Variants in SPTSSA observed in about 807,000 individuals in gnomAD.
The protein encoded by SPTSSA is small subunit of serine palmitoyltransferase A.
SPTSSA carries 8 observed loss-of-function variants against 9.1 expected under a neutral mutation model. The ratio of observed to expected loss-of-function variants is 0.88; its 90% confidence interval spans 0.51 to 1.58. SPTSSA has a LOEUF of 1.58. Ranked by LOEUF, SPTSSA falls within the 40% of genes most tolerant of loss-of-function variation. The probability of loss-of-function intolerance (pLI) is 0.00; values close to 1 mark genes in which losing one functional copy is unlikely to be tolerated. For synonymous variants in SPTSSA, 42 were observed against 37.7 expected (o/e 1.11, Z -0.41); for missense variants, 100 against 93.8 (o/e 1.07, Z -0.27).
At chr14:34,447,288 C>A (rs1883438357) in intron 1 of SPTSSA, among the ~76,000 whole-genome samples, 2 of 146,536 alleles carry the variant, frequency 1.4e-5, no homozygotes, top group South Asian at 4.4e-4. Flanking sequence ...TCATCCAGAT[C>A]ATTCTTTAAT....
intron 1 of SPTSSA, among the ~76,000 whole-genome samples, chr14:34,450,542 T>C (rs934358701): frequency 6.6e-6 from 1 of 152,230 alleles, no homozygotes; most frequent in African/African-American, 2.4e-5. Flanking sequence ...TAAGTGCCAG[T>C]AGCTGTATAC....
At chr14:34,459,248 C>G (rs1878560423) in intron 1 of SPTSSA, among the ~76,000 whole-genome samples, 1 of 151,418 alleles carries the variant, frequency 6.6e-6, no homozygotes, top group East Asian at 2.0e-4. Context: ...GACTGGCCAA[C>G]ATGGTAAAAC....
rs1883195019 is a variant in SPTSSA at position 34,433,766 on chromosome 14, A to T, written c.*1435T>A. ...ATCAGGAGGTCAGGAGTTTGAGACCATCCTGGCCAACACAGTGAAACCCCG... is the reference window on the plus strand; with the variant it reads ...ATCAGGAGGTCAGGAGTTTGAGACCTTCCTGGCCAACACAGTGAAACCCCG... On this transcript the variant is annotated 3_prime_UTR_variant, in exon 2 of 2. Transcript: ENST00000298130. 6.6e-6 allele frequency: 1 copy of T among 152,100 alleles called. No homozygotes were observed. Among genetic ancestry groups the T allele is most frequent in the African/African-American group, 2.4e-5 (1 of 41,420 alleles). 9.4% of individuals were successfully genotyped at this position (152,100 alleles called of 1,614,324 possible).
chr14:34,458,967 T>C (rs566274684), intron 1 of SPTSSA, among the ~76,000 whole-genome samples: 24 of 136,666 alleles, frequency 1.8e-4, no homozygotes, highest in African/African-American at 5.8e-4. Flanking sequence ...TGCAGTGGCG[T>C]GATCTCGGCT....
intron 1 of SPTSSA, among the ~76,000 whole-genome samples, chr14:34,460,338 G>A (rs1205371637): frequency 6.6e-6 from 1 of 151,982 alleles, no homozygotes; most frequent in Admixed American, 6.6e-5. Context: ...GTTGGTTGCA[G>A]TTCTCACCTA....
At chr14:34,436,607 CT>C (rs1235346978) in intron 1 of SPTSSA, among the ~76,000 whole-genome samples, 1 of 152,164 alleles carries the variant, frequency 6.6e-6, no homozygotes, top group African/African-American at 2.4e-5. Flanking sequence ...TTACTATCAA[CT>C]AATATTTGTA....
At position 34,443,171 on chromosome 14, in the gene SPTSSA, G is replaced by GTGTGTGTGTGTGTGTGTT. The variant is rs775781106; in HGVS notation, c.113-7868_113-7867insAACACACACACACACACA. The stretch of plus-strand genomic sequence containing the variant: ...TGTGTGTGTGTGTGTGTGTGTGTGT[G>GTGTGTGTGTGTGTGTGTT]TTTTGAGATTGAGTTTTCCTCTAGG... On this transcript the variant is annotated intron_variant, in intron 1 of 1. Transcript: ENST00000298130. Among the ~76,000 whole-genome samples, 116 of 62,118 alleles carry GTGTGTGTGTGTGTGTGTT rather than the reference G, an allele frequency of 1.9e-3. 23 individuals carry two copies. The highest frequency in any genetic ancestry group is 9.1e-3 in the African/African-American group (58 of 6,380). The allele number at this position is 62,118 out of a possible 152,430, so 40.8% of individuals were successfully genotyped here.
At chr14:34,446,003 G>A (rs572593913) in intron 1 of SPTSSA, among the ~76,000 whole-genome samples, 13 of 152,276 alleles carry the variant, frequency 8.5e-5, no homozygotes, top group South Asian at 4.1e-4. Context: ...TTTACAAAGC[G>A]ATTTCATTCC....
intron 1 of SPTSSA, among the ~76,000 whole-genome samples, chr14:34,458,663 A>ATTT (rs35426259): frequency 0.082 from 7,314 of 89,408 alleles, 378 homozygotes; most frequent in African/African-American, 0.13. Flanking sequence ...CACTCAGCTA[A>ATTT]TTTTTTTTTT....
chr14:34,436,014 T>G (rs1050486574), intron 1 of SPTSSA, among the ~76,000 whole-genome samples: 5 of 152,176 alleles, frequency 3.3e-5, no homozygotes, highest in African/African-American at 1.2e-4. Context: ...TTAATTACTA[T>G]AAAAGATCTA....
rs1456903840 is a variant in SPTSSA, at chr14:34,433,637, A to G, written c.*1564T>C. ...AGACCTCTAGACTATAAAATACTTC[A>G]AAAGTCTAGTCCTTAAAACGTAGGG... On this transcript the variant is annotated 3_prime_UTR_variant, in exon 2 of 2. Transcript: ENST00000298130. 1 of 152,120 alleles carries G rather than the reference A, an allele frequency of 6.6e-6. No individual in the cohort carries two copies. The highest frequency in any genetic ancestry group is 2.4e-5 in the African/African-American group (1 of 41,416). 9.4% of individuals were successfully genotyped at this position (152,120 alleles called of 1,614,324 possible).
At chr14:34,438,490 A>C (rs967763152) in intron 1 of SPTSSA, among the ~76,000 whole-genome samples, 2 of 152,146 alleles carry the variant, frequency 1.3e-5, no homozygotes. Context: ...ACCTGACCTC[A>C]CCTTCCATAC....
intron 1 of SPTSSA, among the ~76,000 whole-genome samples, 185 bp from the exon 2 acceptor site, chr14:34,435,489 T>C (rs1286863566): frequency 2.6e-5 from 4 of 152,104 alleles, no homozygotes; most frequent in Non-Finnish European, 5.9e-5. Flanking sequence ...CTGGCACCAC[T>C]CTAAGCTGGT....
intron 1 of SPTSSA, among the ~76,000 whole-genome samples, chr14:34,452,484 G>C (rs758132240): frequency 2.6e-5 from 4 of 152,120 alleles, no homozygotes; most frequent in African/African-American, 4.8e-5. Flanking sequence ...GCTTTCTATA[G>C]TGTGCTGATT....
chr14:34,439,334 A>G (rs112038243), intron 1 of SPTSSA, among the ~76,000 whole-genome samples: 3 of 152,052 alleles, frequency 2.0e-5, no homozygotes, highest in African/African-American at 7.2e-5. Context: ...TGGGGGGTAC[A>G]TCAGCCATTA....
intron 1 of SPTSSA, among the ~76,000 whole-genome samples, chr14:34,436,498 C>G (rs1441547667): frequency 6.6e-6 from 1 of 152,106 alleles, no homozygotes; most frequent in Non-Finnish European, 1.5e-5. Flanking sequence ...TTGCCTTTCC[C>G]CTTTCTCAAC....
At chr14:34,447,225 TAAA>T (rs79063928) in intron 1 of SPTSSA, among the ~76,000 whole-genome samples, 79 of 85,298 alleles carry the variant, frequency 9.3e-4, no homozygotes, top group African/African-American at 2.0e-3. Flanking sequence ...CTCCATCTCT[TAAA>T]AAAAAAAAAA....
intron 1 of SPTSSA, among the ~76,000 whole-genome samples, chr14:34,455,931 CA>C (rs113785088): frequency 1.5e-4 from 21 of 139,282 alleles, no homozygotes; most frequent in Admixed American, 3.6e-4. Flanking sequence ...GACTCCATCT[CA>C]AAAAAAAAAA....
intron 1 of SPTSSA, among the ~76,000 whole-genome samples, chr14:34,439,788 C>T (rs1052515600): frequency 1.3e-5 from 2 of 152,198 alleles, no homozygotes; most frequent in African/African-American, 4.8e-5. Context: ...CAGTAACCTC[C>T]CCAACAAACT....
Sources: allele counts gnomAD v4.1 joint callset (sites outside exome capture counted in the v4.1 genomes callset), GRCh38; gene constraint gnomAD v4.1.1; transcripts MANE v1.5; gene names NCBI Gene and HGNC (gene_info 2026-07-23, HGNC 2026-07-21).